MASP2: variants seen among roughly 807,000 people sequenced by gnomAD.
MASP2 encodes mannan-binding lectin serine protease 2.
In MASP2, 49 loss-of-function variants were observed where a neutral mutation model predicts 57.1. That is an observed-to-expected ratio of 0.86 (90% CI 0.68 to 1.09). The LOEUF (loss-of-function observed/expected upper bound fraction) is 1.09, where lower values mean the gene tolerates loss of function less well. MASP2 is among the 50% of genes least tolerant of loss of function. MASP2 has a pLI of 0.00. For missense variants in MASP2, 900 were observed against 874.8 expected, an observed-to-expected ratio of 1.03 and a Z score of -0.36; for synonymous variants, 379 against 340.8, an observed-to-expected ratio of 1.11 and a Z score of -1.24.
At position 11,044,747 on chromosome 1, in the gene MASP2, C is replaced by A; in HGVS notation, c.544+661G>T. 3.4e-6 allele frequency: 5 copies of A among 1,450,134 alleles called. No individual in the cohort carries two copies. The South Asian group carries it at 4.0e-5, about 12-fold the overall frequency. The allele number at this position is 1,450,134 out of a possible 1,614,324, so 89.8% of individuals were successfully genotyped here. A position where few individuals can be genotyped will look rare whatever the true frequency, so the allele number is the denominator to read the frequency against. On this transcript the variant is annotated intron_variant, in intron 4 of 10. Transcript: ENST00000400897. ...TGTGAGGAGGGTAGGCAGAGAGGAG[C>A]GCACCCCGCCGCCTCCCGACCCTCC... is the stretch of plus-strand genomic sequence containing the variant.
At chr1:11,044,720 G>A (rs888812709) in intron 4 of MASP2, 66 of 1,312,910 alleles carry the variant, frequency 5.0e-5, no homozygotes, top group Non-Finnish European at 6.7e-5. Context: ...GGTTCATGAG[G>A]CTGTGAGGAG....
chr1:11,035,508 T>TA (rs1156372292), intron 7 of MASP2, among the ~76,000 whole-genome samples: 1 of 149,018 alleles, frequency 6.7e-6, no homozygotes, highest in Non-Finnish European at 1.5e-5. Flanking sequence ...GCCTAGGTGA[T>TA]AGAGTGAGAC....
intron 4 of MASP2, among the ~76,000 whole-genome samples, chr1:11,043,999 C>T (rs1169801204): frequency 6.6e-6 from 1 of 152,078 alleles, no homozygotes; most frequent in Non-Finnish European, 1.5e-5. Flanking sequence ...AAGAGAGGAG[C>T]ATCTCCTCGA....
At chr1:11,034,758 G>A (rs946289823) in intron 8 of MASP2, 70 bp downstream of exon 8, 2 of 914,926 alleles carry the variant, frequency 2.2e-6, no homozygotes, top group Non-Finnish European at 3.3e-6. Context: ...AGAAGCAATA[G>A]AAGCAGCAAC....
chr1:11,046,322 G>A (rs923427168), intron 3 of MASP2: 26 of 584,704 alleles, frequency 4.4e-5, no homozygotes, highest in Middle Eastern at 4.5e-4. Context: ...CAGTCCCTGC[G>A]TCACTTGAGG....
chr1:11,042,776 C>T (rs1199409446), intron 6 of MASP2, 99 bp downstream of exon 6: 2 of 1,396,814 alleles, frequency 1.4e-6, no homozygotes, highest in East Asian at 2.3e-5. Context: ...CCTTCCTAGT[C>T]CTGGCCCAGA....
Position 11,030,731 on chromosome 1 carries a change from T to TTG in MASP2, c.1222+15_1222+16dup, listed in dbSNP as rs1181792477. The TTG allele has an allele frequency of 2.5e-6, 4 of 1,585,716 alleles. No individual in the cohort carries two copies. The highest frequency in any genetic ancestry group is 3.4e-6 in the Non-Finnish European group (4 of 1,168,638). On this transcript the variant is annotated intron_variant, in intron 9 of 10. Transcript: ENST00000400897. ...TTCCAAGTATTGCCCACCCCCAACTTTGAAGAATTTGCATACCATCATTCA... is the reference window on the plus strand; with the variant it reads ...TTCCAAGTATTGCCCACCCCCAACTTTGTGAAGAATTTGCATACCATCATTCA...
In MASP2 at chr1:11,037,705, A is replaced by ATCTT; in HGVS notation, c.995_996insAAGA (p.Tyr332Ter). The ATCTT allele has an allele frequency of 6.2e-7, 1 of 1,608,950 alleles. No individual in the cohort carries two copies. The highest frequency in any genetic ancestry group is 1.1e-5 in the South Asian group (1 of 90,108). On this transcript the variant is annotated stop_gained and frameshift_variant, in exon 7 of 11. Transcript: ENST00000400897. LOFTEE classifies it high-confidence loss of function. ...TGTTTTAACTCACTTGCAGAAGCTC[A>ATCTT]TAGCCAGTCTCGCAAAAGATGGAGA...
chr1:11,037,736 T>C lies in MASP2; in HGVS notation c.965A>G (p.Asp322Gly), dbSNP rs1557671696. Residue 322 changes from aspartate to glycine, a missense_variant, in exon 7 of 11, where the codon GAC (aspartate) becomes GGC (glycine). Asp to Gly is a moderately conservative substitution (Grantham distance 94, BLOSUM62 -1). Transcript: ENST00000400897. ...SPVQAKYILK[D>G]SFSIFCETGY... ...AGTCTCGCAAAAGATGGAGAAGCTG[T>C]CTTTCAGGATGTATTTGGCTTGCAC... The C allele has an allele frequency of 1.2e-6, 2 of 1,613,098 alleles. No homozygotes were observed. Among genetic ancestry groups the C allele is most frequent in the East Asian group, 2.2e-5 (1 of 44,856 alleles).
chr1:11,045,107 C>T lies in MASP2; in HGVS notation c.544+301G>A, dbSNP rs979105954. On this transcript the variant is annotated intron_variant, in intron 4 of 10. Transcript: ENST00000400897. ...AACCAGGGAACCAGGTCCCAAGGAA[C>T]GAGGGCTAGATACCCCCGACTCTCC... 40 of 800,060 alleles carry T rather than the reference C, an allele frequency of 5.0e-5. No homozygotes were observed. In the Admixed American group the frequency reaches 7.3e-4, roughly 15 times the overall value. 49.6% of individuals were successfully genotyped at this position (800,060 alleles called of 1,614,324 possible).
intron 6 of MASP2, among the ~76,000 whole-genome samples, chr1:11,038,351 T>G (rs988425344): frequency 5.3e-5 from 8 of 152,134 alleles, no homozygotes; most frequent in African/African-American, 1.9e-4. Flanking sequence ...TTGGCGGAGC[T>G]GTAATCAACC....
In MASP2 at chr1:11,027,661, G is replaced by T. The variant is rs766283782; in HGVS notation, c.1298-13C>A. ...GATAGTCCACAAACTGGAGAAAGAA[G>T]CAGATAGGTAGAGAGCCTTTGTAAA... On this transcript the variant is annotated splice_polypyrimidine_tract_variant and intron_variant, in intron 10 of 10. Transcript: ENST00000400897. 1 of 1,586,648 alleles carries T rather than the reference G, an allele frequency of 6.3e-7. No individual in the cohort carries two copies. The highest frequency in any genetic ancestry group is 2.2e-5 in the East Asian group (1 of 44,592).
At chr1:11,045,067 T>C (rs1638584975) in intron 4 of MASP2, 1 of 964,492 alleles carries the variant, frequency 1.0e-6, no homozygotes, top group Admixed American at 2.0e-5. Context: ...CACTGGCCCG[T>C]CCCACAGTGC....
Position 11,027,325 on chromosome 1 carries a change from T to C in MASP2, c.1621A>G (p.Lys541Glu), listed in dbSNP as rs773661228. 3.7e-6 allele frequency: 6 copies of C among 1,614,132 alleles called. No individual in the cohort carries two copies. The highest frequency in any genetic ancestry group is 3.3e-5 in the South Asian group (3 of 91,080). ...GTGATGTTGCTATTGATTACAACTT[T>C]GTTATTCAATTTAATCAGTGCTATG... ...NDIALIKLNN[K>E]VVINSNITPI... Residue 541 changes from lysine (K) to glutamate (E), a missense_variant, in exon 11 of 11, where the codon AAA (lysine) becomes GAA (glutamate). Transcript: ENST00000400897.
chr1:11,035,853 G>A lies in MASP2; in HGVS notation c.1009-947C>T, dbSNP rs1237177438. ...CAAGGCTGTGGTGAGCTGTGATCGT[G>A]CCACTGCACTCCAGCCTGGGTGACA... On this transcript the variant is annotated intron_variant, in intron 7 of 10. Coordinates refer to ENST00000400897, the MANE Select transcript of MASP2 (RefSeq NM_006610.4). Among the ~76,000 whole-genome samples the A allele has an allele frequency of 8.1e-5, 11 of 136,032 alleles. No individual in the cohort carries two copies. The Admixed American group carries it at 8.9e-4, about 11-fold the overall frequency. The allele number at this position is 136,032 out of a possible 152,430, so 89.2% of individuals were successfully genotyped here. A position where few individuals can be genotyped will look rare whatever the true frequency, so the allele number is the denominator to read the frequency against.
intron 8 of MASP2, among the ~76,000 whole-genome samples, chr1:11,032,754 G>A (rs1429807381): frequency 6.6e-6 from 1 of 150,832 alleles, no homozygotes; most frequent in African/African-American, 2.4e-5. Flanking sequence ...ACTAAAAATA[G>A]AAAAATTAGC....
intron 10 of MASP2, among the ~76,000 whole-genome samples, chr1:11,028,078 C>T (rs1044484688): frequency 4.0e-5 from 6 of 151,866 alleles, no homozygotes; most frequent in Admixed American, 2.6e-4. Context: ...AAAAATTAGC[C>T]GGGCGTGGTG....
intron 4 of MASP2, 27 bp downstream of exon 4, chr1:11,045,381 C>T (rs370379056): frequency 4.2e-5 from 67 of 1,611,958 alleles, no homozygotes; most frequent in Non-Finnish European, 4.9e-5. Context: ...GGAGAGGGTG[C>T]GTTGGGGCCC....
chr1:11,031,389 C>T (rs573243515), intron 8 of MASP2, among the ~76,000 whole-genome samples: 25 of 151,492 alleles, frequency 1.7e-4, no homozygotes, highest in African/African-American at 5.6e-4. Flanking sequence ...ATTAGCCAGG[C>T]GTGGTAGCGG....
Sources: allele counts gnomAD v4.1 joint callset (sites outside exome capture counted in the v4.1 genomes callset), GRCh38; gene constraint gnomAD v4.1.1; transcripts MANE v1.5; gene names NCBI Gene and HGNC (gene_info 2026-07-23, HGNC 2026-07-21).